TTLL1: variants seen among roughly 807,000 people sequenced by gnomAD.
TTLL1 encodes polyglutamylase complex subunit TTLL1.
Under a neutral mutation model 47.8 loss-of-function variants are expected in TTLL1, and 33 were observed. That is an observed-to-expected ratio of 0.69 (90% confidence interval 0.52 to 0.92). TTLL1 has a LOEUF of 0.92. Ranked by LOEUF, TTLL1 falls within the 40% of genes least tolerant of loss-of-function variation. The pLI is 0.00. For synonymous variants in TTLL1, 225 were observed against 214.1 expected, an observed-to-expected ratio of 1.05 and a Z score of -0.45; for missense variants, 488 against 547.5, an observed-to-expected ratio of 0.89 and a Z score of 1.08.
At chr22:43,059,626 G>A (rs891494575) in intron 7 of TTLL1, 99 bp from the exon 8 acceptor site, 3 of 1,406,820 alleles carry the variant, frequency 2.1e-6, no homozygotes, top group Non-Finnish European at 9.5e-7. Flanking sequence ...AGTGCCCCCT[G>A]GGTGTGGGCA....
intron 5 of TTLL1, among the ~76,000 whole-genome samples, chr22:43,067,817 T>G (rs1197309633): frequency 6.6e-6 from 1 of 151,512 alleles, no homozygotes; most frequent in Non-Finnish European, 1.5e-5. Flanking sequence ...CTCTCTTTCT[T>G]TTTTTTAGAC....
intron 1 of TTLL1, among the ~76,000 whole-genome samples, chr22:43,084,310 C>T (rs761735972): frequency 5.3e-5 from 8 of 151,768 alleles, no homozygotes; most frequent in Non-Finnish European, 1.0e-4. Flanking sequence ...GCCACGATGC[C>T]CAGCTAATTG....
intron 7 of TTLL1, among the ~76,000 whole-genome samples, chr22:43,062,598 G>A (rs565328846): frequency 3.9e-5 from 6 of 152,324 alleles, no homozygotes; most frequent in African/African-American, 1.4e-4. Context: ...GGGAGGTTGA[G>A]GTGGGCGGAT....
intron 4 of TTLL1, among the ~76,000 whole-genome samples, 170 bp from the exon 5 acceptor site, chr22:43,068,760 A>G (rs1372359296): frequency 2.4e-4 from 36 of 149,502 alleles, no homozygotes. Context: ...CAACACTCAC[A>G]AGTTACATTT....
chr22:43,082,069 C>A (rs1928932294), intron 1 of TTLL1, among the ~76,000 whole-genome samples: 2 of 151,782 alleles, frequency 1.3e-5, no homozygotes, highest in Non-Finnish European at 2.9e-5. Context: ...CCAGGCTAGT[C>A]TCAAACTCCT....
chr22:43,047,720 C>T lies in TTLL1; in HGVS notation c.979-1147G>A, dbSNP rs537848741. Among the ~76,000 whole-genome samples, 596 of 152,210 alleles carry T rather than the reference C, an allele frequency of 3.9e-3. 4 individuals carry two copies. Among genetic ancestry groups the T allele is most frequent in the Middle Eastern group, 0.027 (8 of 294 alleles). On this transcript the variant is annotated intron_variant, in intron 9 of 10. Transcript: ENST00000266254. ...CTGACCTCAGGGGTTCTGCCCGCCT[C>T]GGCCTCCCAAAGTGCTGGGGTTACA... is the stretch of plus-strand genomic sequence containing the variant.
chr22:43,056,909 C>T (rs1927054118), intron 8 of TTLL1, among the ~76,000 whole-genome samples: 1 of 152,196 alleles, frequency 6.6e-6, no homozygotes, highest in African/African-American at 2.4e-5. Flanking sequence ...CCTCCCACCT[C>T]ACCCTTCTGA....
intron 8 of TTLL1, among the ~76,000 whole-genome samples, chr22:43,054,375 A>G (rs1926851416): frequency 6.6e-6 from 1 of 151,712 alleles, no homozygotes; most frequent in Admixed American, 6.6e-5. Flanking sequence ...AAGCAGGAAG[A>G]GCTTCACTTA....
At chr22:43,058,486 A>G (rs561986428) in intron 8 of TTLL1, among the ~76,000 whole-genome samples, 19 of 152,296 alleles carry the variant, frequency 1.2e-4, no homozygotes, top group African/African-American at 4.3e-4. Flanking sequence ...TCCATCTCCA[A>G]TATATCAGTT....
At chr22:43,059,985 C>T (rs749945814) in intron 7 of TTLL1, among the ~76,000 whole-genome samples, 15 of 152,082 alleles carry the variant, frequency 9.9e-5, no homozygotes, top group Non-Finnish European at 1.9e-4. Context: ...CCACTGTGCC[C>T]GGCCACCTGG....
chr22:43,060,091 C>T (rs994393745), intron 7 of TTLL1, among the ~76,000 whole-genome samples: 2 of 152,150 alleles, frequency 1.3e-5, no homozygotes, highest in African/African-American at 4.8e-5. Flanking sequence ...GGCACGATCT[C>T]GGCTTACTGC....
At chr22:43,065,974 C>T (rs1927704425) in intron 5 of TTLL1, among the ~76,000 whole-genome samples, 2 of 151,908 alleles carry the variant, frequency 1.3e-5, no homozygotes, top group South Asian at 4.2e-4. Context: ...GCCTAACCAA[C>T]ATGGTGAAAC....
rs560929495 is a variant in TTLL1, at chr22:43,082,099, C to A, written c.-89-2113G>T. Among the ~76,000 whole-genome samples, 3 of 150,870 alleles carry A rather than the reference C, an allele frequency of 2.0e-5. No individual in the cohort carries two copies. In the East Asian group the frequency reaches 5.8e-4, roughly 29 times the overall value. ...ACTCCTGACCTCAAGTGATCCATCC[C>A]CTTCTGCCTCCCAAAGTGCTGGGAT... On this transcript the variant is annotated intron_variant, in intron 1 of 10. Coordinates refer to ENST00000266254, the MANE Select transcript of TTLL1 (RefSeq NM_012263.5).
At chr22:43,074,395 C>T (rs1260569122) in intron 3 of TTLL1, among the ~76,000 whole-genome samples, 3 of 145,294 alleles carry the variant, frequency 2.1e-5, no homozygotes, top group Non-Finnish European at 4.5e-5. Flanking sequence ...CCATGGCACT[C>T]CAGTCTGGGT....
At chr22:43,048,467 T>A (rs1202751302) in intron 9 of TTLL1, among the ~76,000 whole-genome samples, 26 of 93,896 alleles carry the variant, frequency 2.8e-4, no homozygotes, top group African/African-American at 1.1e-3. Flanking sequence ...AGACCCCATC[T>A]CTACCAAAAA....
In TTLL1 at chr22:43,065,970, C is replaced by A. The variant is rs575042245; in HGVS notation, c.504-1646G>T. On this transcript the variant is annotated intron_variant, in intron 5 of 10. Transcript: ENST00000266254. ...GGTCAGGAGTTCAAGACCAGCCTAA[C>A]CAACATGGTGAAACCCTGTCTCTAC... Among the ~76,000 whole-genome samples the A allele has an allele frequency of 5.3e-5, 8 of 151,948 alleles. No individual in the cohort carries two copies. In the East Asian group the frequency reaches 1.4e-3, roughly 26 times the overall value.
At position 43,065,096 on chromosome 22, in the gene TTLL1, G is replaced by T. The variant is rs186147683; in HGVS notation, c.504-772C>A. Among the ~76,000 whole-genome samples, 478 of 151,826 alleles carry T rather than the reference G, an allele frequency of 3.1e-3. 1 individual carries two copies. The highest frequency in any genetic ancestry group is 4.5e-3 in the Non-Finnish European group (306 of 67,956). On this transcript the variant is annotated intron_variant, in intron 5 of 10. Transcript: ENST00000266254. ...GGAGGCAGAGTTTGCAGTGAACCAA[G>T]ATCCTGCCACCGCACTCCAGCCTGG...
rs147614833 is a variant in TTLL1 at position 43,047,004 on chromosome 22, G to T, written c.979-431C>A. Among the ~76,000 whole-genome samples, 1,060 of 152,178 alleles carry T rather than the reference G, an allele frequency of 7.0e-3. 6 individuals are homozygous for T. Among genetic ancestry groups the T allele is most frequent in the Middle Eastern group, 0.061 (18 of 294 alleles). ...TTTAATATTGCTACTATCTAATACC[G>T]TCAGAGCACCTTGGATAGGAAACTC... On this transcript the variant is annotated intron_variant, in intron 9 of 10. Transcript: ENST00000266254.
At chr22:43,082,581 T>C (rs1317016206) in intron 1 of TTLL1, among the ~76,000 whole-genome samples, 1 of 151,580 alleles carries the variant, frequency 6.6e-6, no homozygotes, top group Non-Finnish European at 1.5e-5. Flanking sequence ...CCAGGCATGG[T>C]GGTGCGCGCC....
Sources: gnomAD v4.1 joint callset for allele counts (sites outside exome capture counted in the v4.1 genomes callset) on GRCh38, gnomAD v4.1.1 for gene constraint, MANE v1.5 for transcripts, NCBI Gene and HGNC (gene_info 2026-07-23, HGNC 2026-07-21) for gene names.